The following TFIP11 variants were observed in gnomAD, a reference collection of about 807,000 sequenced individuals.
The protein encoded by TFIP11 is tuftelin-interacting protein 11.
In TFIP11, 86 loss-of-function variants were observed where a neutral mutation model predicts 96.8. The ratio of observed to expected loss-of-function variants is 0.89; its 90% confidence interval spans 0.75 to 1.06. The LOEUF (loss-of-function observed/expected upper bound fraction) is 1.06. TFIP11 is among the 50% of genes least tolerant of loss of function. The pLI is 0.00. For synonymous variants in TFIP11, 405 were observed against 395.2 expected, an observed-to-expected ratio of 1.02 and a Z score of -0.29; for missense variants, 881 against 1,076.7, an observed-to-expected ratio of 0.82 and a Z score of 2.54.
At chr22:26,509,244 G>A (rs1602228244) in intron 4 of TFIP11, among the ~76,000 whole-genome samples, 1 of 151,970 alleles carries the variant, frequency 6.6e-6, no homozygotes, top group African/African-American at 2.4e-5. Flanking sequence ...TGTGGATACC[G>A]TGATGCTTCC....
At chr22:26,500,547 T>C (rs1922650046) in intron 8 of TFIP11, among the ~76,000 whole-genome samples, 1 of 152,186 alleles carries the variant, frequency 6.6e-6, no homozygotes, top group African/African-American at 2.4e-5. Flanking sequence ...AATTCCAATA[T>C]TTTAGGAAAA....
In TFIP11 at chr22:26,506,673, C is replaced by T. The variant is rs1020063827; in HGVS notation, c.363+102G>A. 2.8e-5 allele frequency: 41 copies of T among 1,485,296 alleles called. No individual in the cohort carries two copies. In the African/African-American group the frequency reaches 4.3e-4, roughly 16 times the overall value. The allele number at this position is 1,485,296 out of a possible 1,614,324, so 92.0% of individuals were successfully genotyped here. On this transcript the variant is annotated intron_variant, in intron 5 of 14. Coordinates refer to ENST00000407690, the MANE Select transcript of TFIP11 (RefSeq NM_012143.4). ...ACCTGCCACCAAAAGGAGACACTCA[C>T]GAAATTCATTCCAGATGAGTTTCTC...
chr22:26,505,721 TATTTATTTATTTATTC>T (rs1044127705), intron 6 of TFIP11, among the ~76,000 whole-genome samples: 1 of 129,752 alleles, frequency 7.7e-6, no homozygotes, highest in Non-Finnish European at 1.6e-5. Flanking sequence ...TTTATTTATT[TATTTATTTATTTATTC>T]AGGGATGGAG....
rs1427934991 is a variant in TFIP11, at chr22:26,495,293, T to G, written c.1850-354A>C. On this transcript the variant is annotated intron_variant, in intron 12 of 14. Coordinates refer to ENST00000407690, the MANE Select transcript of TFIP11 (RefSeq NM_012143.4). ...TTTTTTTTTTTTTTTTTTTTTTTTT[T>G]TTGTTGAGACAGGGTCTCACTGTTG... Among the ~76,000 whole-genome samples, 19 of 125,958 alleles carry G rather than the reference T, an allele frequency of 1.5e-4. No individual in the cohort carries two copies. The South Asian group carries it at 2.3e-3, about 15-fold the overall frequency. The allele number at this position is 125,958 out of a possible 152,430, so 82.6% of individuals were successfully genotyped here.
At chr22:26,504,002 T>G (rs1923122138) in intron 6 of TFIP11, among the ~76,000 whole-genome samples, 1 of 152,188 alleles carries the variant, frequency 6.6e-6, no homozygotes, top group Non-Finnish European at 1.5e-5. Context: ...CAGAACAGTC[T>G]GCTGACTAGT....
At chr22:26,509,531 T>C (rs575472132) in intron 4 of TFIP11, among the ~76,000 whole-genome samples, 15 of 152,186 alleles carry the variant, frequency 9.9e-5, no homozygotes, top group Non-Finnish European at 2.2e-4. Context: ...ACAGGCCTAA[T>C]ACATAGCAAT....
chr22:26,500,618 T>A (rs1416992793), intron 8 of TFIP11, among the ~76,000 whole-genome samples: 1 of 151,222 alleles, frequency 6.6e-6, no homozygotes, highest in African/African-American at 2.4e-5. Context: ...ACTTTTTAAG[T>A]AAGAGTGTGA....
chr22:26,496,589 T>C, intron 11 of TFIP11, 132 bp downstream of exon 11: 4 of 1,222,600 alleles, frequency 3.3e-6, no homozygotes, highest in East Asian at 2.4e-5. Flanking sequence ...GAATTAACAC[T>C]ATAGGTCAAT....
At chr22:26,506,219 G>C (rs1923385730) in intron 6 of TFIP11, 84 bp downstream of exon 6, 1 of 1,431,674 alleles carries the variant, frequency 7.0e-7, no homozygotes, top group Non-Finnish European at 9.3e-7. Flanking sequence ...TTTTAAAAGG[G>C]AAAAGCAAAC....
At chr22:26,511,133 C>G (rs1485220024) in intron 2 of TFIP11, 1 of 152,238 alleles carries the variant, frequency 6.6e-6, no homozygotes, top group Non-Finnish European at 1.5e-5. Context: ...TCAAAAGGTC[C>G]CACAATAGGC....
intron 3 of TFIP11, 59 bp from the exon 4 acceptor site, chr22:26,510,340 T>C: frequency 1.3e-6 from 2 of 1,511,816 alleles, no homozygotes; most frequent in Non-Finnish European, 1.8e-6. Flanking sequence ...AGTCGAAGGA[T>C]TCCTTGTGAG....
At chr22:26,502,704 A>C (rs1268259885) in intron 7 of TFIP11, among the ~76,000 whole-genome samples, 1 of 152,196 alleles carries the variant, frequency 6.6e-6, no homozygotes, top group African/African-American at 2.4e-5. Context: ...TTTCTCTAAA[A>C]GTATCTAGAC....
intron 14 of TFIP11, chr22:26,493,397 A>C (rs181762685): frequency 6.6e-6 from 1 of 152,396 alleles, no homozygotes; most frequent in East Asian, 1.9e-4. Context: ...CCCTTTAACT[A>C]TGTGACCTTG....
chr22:26,508,749 G>A (rs1400724160), intron 4 of TFIP11, among the ~76,000 whole-genome samples: 1 of 152,036 alleles, frequency 6.6e-6, no homozygotes, highest in African/African-American at 2.4e-5. Flanking sequence ...GGAGGCTGAG[G>A]CAGGAGAATC....
chr22:26,506,995 G>T, intron 4 of TFIP11, 67 bp from the exon 5 acceptor site: 1 of 1,561,012 alleles, frequency 6.4e-7, no homozygotes, highest in Non-Finnish European at 8.7e-7. Flanking sequence ...CGATCCTTTT[G>T]CAGAAACTAC....
Position 26,499,537 on chromosome 22 carries a change from T to G in TFIP11, c.896A>C (p.Gln299Pro). 1 of 1,614,208 alleles carries G rather than the reference T, an allele frequency of 6.2e-7. No individual in the cohort carries two copies. Among genetic ancestry groups the G allele is most frequent in the African/African-American group, 1.3e-5 (1 of 75,064 alleles). ...GCCAGACTGTGGCAGCTGTTGGGAC[T>G]GTAGCGGCAGCCCATCATCGGGAAC... is the stretch of plus-strand genomic sequence containing the variant. Reference protein sequence around the residue: ...HNVPDDGLPLQSQQLPQSGKE... With the variant: ...HNVPDDGLPLPSQQLPQSGKE... The change falls in exon 9 of 15, where the codon CAG becomes CCG. Residue 299 changes from glutamine to proline, a missense_variant. Transcript: ENST00000407690.
intron 1 of TFIP11, 76 bp from the exon 2 acceptor site, chr22:26,512,251 C>T (rs1214728355): frequency 6.6e-6 from 1 of 152,300 alleles, no homozygotes; most frequent in African/African-American, 2.4e-5. Flanking sequence ...AGCAGCACCG[C>T]CCCTCTCCGT....
Position 26,494,298 on chromosome 22 carries a change from A to G in TFIP11, c.1999T>C (p.Cys667Arg), listed in dbSNP as rs894543435. The G allele has an allele frequency of 1.2e-6, 2 of 1,614,252 alleles. No homozygotes were observed. Among genetic ancestry groups the G allele is most frequent in the Non-Finnish European group, 1.7e-6 (2 of 1,180,050 alleles). The stretch of plus-strand genomic sequence containing the variant: ...TTTGGGCTGTTACTGAGCCAAGAGC[A>G]CAGCACCTGCCAAAAAGAAAAATTA... ...HFFPKWLQVL[C>R]SWLSNSPNYE... Residue 667 changes from cysteine to arginine, a missense_variant, in exon 14 of 15, where the codon TGC becomes CGC. By Grantham distance (180) the Cys-to-Arg change is radical (BLOSUM62 -3). Coordinates refer to ENST00000407690, the MANE Select transcript of TFIP11 (RefSeq NM_012143.4).
At chr22:26,494,406 G>C (rs1480501641) in intron 13 of TFIP11, 102 bp from the exon 14 acceptor site, 1 of 1,349,832 alleles carries the variant, frequency 7.4e-7, no homozygotes, top group African/African-American at 1.4e-5. Context: ...CTACAGGCTA[G>C]TGACACTACT....
Sources: gnomAD v4.1 joint callset for allele counts (sites outside exome capture counted in the v4.1 genomes callset) on GRCh38, gnomAD v4.1.1 for gene constraint, MANE v1.5 for transcripts, NCBI Gene and HGNC (gene_info 2026-07-23, HGNC 2026-07-21) for gene names.